The following NCR1 variants were observed in gnomAD, a reference collection of about 807,000 sequenced individuals.
NCR1 encodes natural cytotoxicity triggering receptor 1, also known as NK cell-activating receptor.
In NCR1, 30 loss-of-function variants were observed where a neutral mutation model predicts 32.5. The ratio of observed to expected loss-of-function variants is 0.92; its 90% CI spans 0.69 to 1.25. The LOEUF (loss-of-function observed/expected upper bound fraction) is 1.25. Among genes scored for constraint, NCR1 ranks in the 50% most tolerant of loss-of-function variants. The pLI, the probability that NCR1 is intolerant of heterozygous loss-of-function variation, is 0.00. For missense variants in NCR1, 369 were observed against 380.7 expected (o/e 0.97, Z 0.26); for synonymous variants, 169 against 143.4 (o/e 1.18, Z -1.28).
At chr19:54,928,589 T>C in the NCR1 span, among the ~76,000 whole-genome samples, 29 of 152,038 alleles carry the variant, frequency 1.9e-4, no homozygotes, top group African/African-American at 7.0e-4. Flanking sequence ...CAGAGAGGCA[T>C]TGATTGGCTA....
chr19:54,934,056 G>A, the NCR1 span, among the ~76,000 whole-genome samples: 5 of 152,166 alleles, frequency 3.3e-5, no homozygotes, highest in African/African-American at 1.2e-4. This position sits in a 1 kb window ranked among gnomAD's most constrained non-coding sequence, Gnocchi z 6.7. Flanking sequence ...CCATTCTGCT[G>A]ACTCAGCCTC....
chr19:54,911,552 G>C (rs1409987267), intron 5 of NCR1, among the ~76,000 whole-genome samples: 2 of 152,190 alleles, frequency 1.3e-5, no homozygotes, highest in African/African-American at 4.8e-5. Flanking sequence ...AGGAGTTCAA[G>C]ACCAGCCTGG....
chr19:54,936,167 G>T, the NCR1 span: 1 of 1,077,042 alleles, frequency 9.3e-7, no homozygotes, highest in Non-Finnish European at 1.4e-6. Context: ...TGTCTGGGAC[G>T]GCATCTGGAG....
At chr19:54,909,549 C>A (rs1374248247) in intron 4 of NCR1, 26 bp downstream of exon 4, 19 of 1,586,948 alleles carry the variant, frequency 1.2e-5, no homozygotes, top group Non-Finnish European at 1.6e-5. Context: ...ATTCCCCACA[C>A]CCTTCGCCGC....
At chr19:54,916,279 A>T (rs1602077268), downstream of NCR1, 1 of 140,244 alleles carries the variant, frequency 7.1e-6, no homozygotes, top group Non-Finnish European at 1.5e-5. Flanking sequence ...CATATATCAG[A>T]CCCCCAGAAC....
the NCR1 span, chr19:54,936,345 G>T: frequency 6.2e-7 from 1 of 1,613,928 alleles, no homozygotes; most frequent in Non-Finnish European, 8.5e-7. Context: ...GATGTGCCCT[G>T]CCAGGGTCAG....
the NCR1 span, among the ~76,000 whole-genome samples, chr19:54,898,525 C>T: frequency 6.6e-6 from 1 of 152,128 alleles, no homozygotes; most frequent in African/African-American, 2.4e-5. Context: ...TTACTGTACA[C>T]CTTGAAGGCG....
At chr19:54,903,770 C>G (rs1350446634), upstream of NCR1, among the ~76,000 whole-genome samples, 1 of 151,294 alleles carries the variant, frequency 6.6e-6, no homozygotes, top group Non-Finnish European at 1.5e-5. Flanking sequence ...TACTGTAGAT[C>G]TTAACAACTT....
At chr19:54,902,663 G>A (rs2146005484), upstream of NCR1, among the ~76,000 whole-genome samples, 1 of 152,244 alleles carries the variant, frequency 6.6e-6, no homozygotes, top group South Asian at 2.1e-4. Flanking sequence ...TTTGGTGAAG[G>A]TAACTATGTT....
At chr19:54,915,814 C>T (rs1332107092), downstream of NCR1, 1 of 147,214 alleles carries the variant, frequency 6.8e-6, no homozygotes, top group African/African-American at 2.5e-5. Context: ...TGCACTCCAG[C>T]CTGGGCGACA....
At chr19:54,912,578 G>T in intron 6 of NCR1, 112 bp from the exon 7 acceptor site, 1 of 877,314 alleles carries the variant, frequency 1.1e-6, no homozygotes, top group South Asian at 2.0e-5. Context: ...CAGCCTGGGC[G>T]ACAAGACTGA....
chr19:54,909,538 A>C lies in NCR1; in HGVS notation c.634+15A>C. On this transcript the variant is annotated intron_variant, in intron 4 of 6. Coordinates refer to ENST00000291890, the MANE Select transcript of NCR1 (RefSeq NM_004829.7). ...CCTGGTCACAGGTGAGGAAATGCTC[A>C]ATTCCCCACACCCTTCGCCGCCATG... 1 of 1,596,752 alleles carries C rather than the reference A, an allele frequency of 6.3e-7. No individual in the cohort carries two copies.
the NCR1 span, among the ~76,000 whole-genome samples, chr19:54,921,670 G>T: frequency 6.6e-6 from 1 of 151,072 alleles, no homozygotes; most frequent in African/African-American, 2.4e-5. Flanking sequence ...TACTCCGGAG[G>T]CTGGGACAGA....
chr19:54,927,625 A>G, the NCR1 span: 1 of 1,614,164 alleles, frequency 6.2e-7, no homozygotes, highest in Non-Finnish European at 8.5e-7. Flanking sequence ...TCAAGGATCC[A>G]GTTCTTTGTC....
upstream of NCR1, chr19:54,906,050 G>C: frequency 5.8e-6 from 6 of 1,029,174 alleles, no homozygotes; most frequent in Admixed American, 1.1e-4. Flanking sequence ...AGTTGTGAAC[G>C]TTCTGATGAA....
At chr19:54,931,994 AT>A in the NCR1 span, among the ~76,000 whole-genome samples, 1 of 152,076 alleles carries the variant, frequency 6.6e-6, no homozygotes, top group African/African-American at 2.4e-5. Context: ...GATTATGGAA[AT>A]TTCACTTTCC....
At chr19:54,933,685 C>T in the NCR1 span, 1 of 1,614,094 alleles carries the variant, frequency 6.2e-7, no homozygotes, top group Admixed American at 1.7e-5. Context: ...TGCTGACAAC[C>T]AAGACAGCAG....
chr19:54,931,058 A>G, the NCR1 span, among the ~76,000 whole-genome samples: 1 of 152,166 alleles, frequency 6.6e-6, no homozygotes, highest in Non-Finnish European at 1.5e-5. Flanking sequence ...GTATTTATAT[A>G]AAACATAGGT....
At position 54,913,054 on chromosome 19, in the gene NCR1, TC is replaced by T; in HGVS notation, c.*184del. ...GGGTGGGAGAACTACATGCTAAATT[TC>T]TTTTTTTTTTTTTTTGAGACAGAGT... On this transcript the variant is annotated 3_prime_UTR_variant, in exon 7 of 7. Transcript: ENST00000291890. The T allele has an allele frequency of 2.0e-6, 1 of 498,512 alleles. No homozygotes were observed. The highest frequency in any genetic ancestry group is 3.2e-6 in the Non-Finnish European group (1 of 308,932). 30.9% of individuals were successfully genotyped at this position (498,512 alleles called of 1,614,324 possible).
Sources: allele counts gnomAD v4.1 joint callset (sites outside exome capture counted in the v4.1 genomes callset), GRCh38; gene constraint gnomAD v4.1.1; non-coding constraint Gnocchi (gnomAD v3.1); transcripts MANE v1.5; gene names NCBI Gene and HGNC (gene_info 2026-07-23, HGNC 2026-07-21).